Variants in CNTN5 observed in about 807,000 individuals in gnomAD.
The protein encoded by CNTN5 is contactin 5, also known as contactin-5.
In CNTN5, 77 loss-of-function variants were observed where a neutral mutation model predicts 129.1. The ratio of observed to expected loss-of-function variants is 0.60; its 90% CI spans 0.50 to 0.72. The LOEUF (loss-of-function observed/expected upper bound fraction) is 0.72. Ranked by LOEUF, CNTN5 falls within the 30% of genes least tolerant of loss-of-function variation. CNTN5 has a pLI of 0.00. For missense variants in CNTN5, 1,478 were observed against 1,328.8 expected (o/e 1.11, Z -1.75); for synonymous variants, 509 against 465.6 (o/e 1.09, Z -1.20).
chr11:99,839,467 G>A (rs1319603038), intron 4 of CNTN5, among the ~76,000 whole-genome samples: 2 of 152,012 alleles, frequency 1.3e-5, no homozygotes, highest in Non-Finnish European at 2.9e-5. Context: ...CATTGAAGTT[G>A]AGGCAGAGGG....
intron 7 of CNTN5, among the ~76,000 whole-genome samples, chr11:99,949,784 G>A (rs973912582): frequency 1.3e-5 from 2 of 152,098 alleles, no homozygotes; most frequent in African/African-American, 4.8e-5. Flanking sequence ...CACCCAGTTG[G>A]TATAATCACT....
chr11:100,181,126 G>C (rs181185795), intron 13 of CNTN5, among the ~76,000 whole-genome samples: 1 of 152,060 alleles, frequency 6.6e-6, no homozygotes, highest in East Asian at 1.9e-4. Context: ...AATTTTGTTT[G>C]TAATTATAAA....
intron 2 of CNTN5, among the ~76,000 whole-genome samples, chr11:99,550,014 C>T (rs184890679): frequency 8.5e-5 from 13 of 152,118 alleles, no homozygotes; most frequent in South Asian, 2.1e-4. Context: ...CCCTATTCCA[C>T]GCAGGTTTTG....
intron 3 of CNTN5, among the ~76,000 whole-genome samples, chr11:99,783,155 C>A (rs1204226915): frequency 1.2e-5 from 1 of 81,720 alleles, no homozygotes; most frequent in Non-Finnish European, 2.6e-5. Flanking sequence ...AAAAAGTGGG[C>A]GAAGGACATG....
intron 18 of CNTN5, among the ~76,000 whole-genome samples, chr11:100,276,277 T>G (rs775167634): frequency 3.9e-5 from 6 of 152,116 alleles, no homozygotes; most frequent in South Asian, 4.1e-4. Context: ...CGGTGGCTCA[T>G]GCCTATAATC....
chr11:100,121,463 C>T (rs1946019684), intron 13 of CNTN5, among the ~76,000 whole-genome samples: 1 of 151,280 alleles, frequency 6.6e-6, no homozygotes, highest in South Asian at 2.1e-4. Context: ...GAACTTCAGC[C>T]TGTGCTTTGG....
chr11:99,403,743 G>T (rs1941940082), intron 2 of CNTN5, among the ~76,000 whole-genome samples: 1 of 151,976 alleles, frequency 6.6e-6, no homozygotes, highest in Admixed American at 6.6e-5. Context: ...TCAATTTTTT[G>T]AATGTTTTAA....
At chr11:99,062,247 G>A (rs1014046474) in intron 1 of CNTN5, among the ~76,000 whole-genome samples, 1 of 152,118 alleles carries the variant, frequency 6.6e-6, no homozygotes, top group Non-Finnish European at 1.5e-5. Context: ...AGCAATGTTG[G>A]AGCACAACAG....
At chr11:99,416,553 T>C (rs1206636040) in intron 2 of CNTN5, among the ~76,000 whole-genome samples, 2 of 152,128 alleles carry the variant, frequency 1.3e-5, no homozygotes, top group Non-Finnish European at 1.5e-5. Context: ...CCCAAACTGC[T>C]GAGATTACAA....
chr11:99,330,500 C>A (rs1339987769), intron 2 of CNTN5, among the ~76,000 whole-genome samples: 1 of 152,104 alleles, frequency 6.6e-6, no homozygotes, highest in East Asian at 1.9e-4. Context: ...TGGGTTAGTA[C>A]ACAGCACCCT....
intron 3 of CNTN5, among the ~76,000 whole-genome samples, chr11:99,598,369 T>C (rs369351025): frequency 0.096 from 1,006 of 10,456 alleles, 214 homozygotes; most frequent in Non-Finnish European, 0.1. Flanking sequence ...TCTCTCTCTC[T>C]CTCTCCCTCT....
intron 2 of CNTN5, among the ~76,000 whole-genome samples, chr11:99,411,040 A>G (rs1278489448): frequency 1.3e-5 from 2 of 152,206 alleles, no homozygotes; most frequent in Non-Finnish European, 1.5e-5. Flanking sequence ...TAAAACTTTC[A>G]TTATTCTTTA....
chr11:99,922,137 T>C (rs556498738), intron 7 of CNTN5, among the ~76,000 whole-genome samples: 1 of 152,296 alleles, frequency 6.6e-6, no homozygotes, highest in African/African-American at 2.4e-5. Flanking sequence ...CTCACAATTA[T>C]GGCAGAAAGT....
In CNTN5 at chr11:100,282,744, T is replaced by C. The variant is rs117681444; in HGVS notation, c.2314+11503T>C. The stretch of plus-strand genomic sequence containing the variant: ...AGCCAGGGACTACAGTCAAAATCCT[T>C]AGAAGTCTACTTGGTGTTCTATTGT... On this transcript the variant is annotated intron_variant, in intron 18 of 24. Transcript: ENST00000524871. Among the ~76,000 whole-genome samples, 162 of 146,546 alleles carry C rather than the reference T, an allele frequency of 1.1e-3. 2 individuals carry two copies. The highest frequency in any genetic ancestry group is 0.01 in the Middle Eastern group (3 of 286).
chr11:99,129,337 G>A (rs1858813189), intron 1 of CNTN5, among the ~76,000 whole-genome samples: 1 of 152,072 alleles, frequency 6.6e-6, no homozygotes, highest in Non-Finnish European at 1.5e-5. Context: ...AATTGACCAG[G>A]CAGAAGAGAG....
intron 3 of CNTN5, among the ~76,000 whole-genome samples, chr11:99,717,319 T>G (rs1169054189): frequency 6.6e-6 from 1 of 152,088 alleles, no homozygotes; most frequent in Non-Finnish European, 1.5e-5. Flanking sequence ...AGATTAATAA[T>G]GATCACAGAC....
intron 16 of CNTN5, among the ~76,000 whole-genome samples, chr11:100,245,881 G>T (rs894590274): frequency 6.6e-6 from 1 of 151,996 alleles, no homozygotes; most frequent in Admixed American, 6.6e-5. Flanking sequence ...TGGAAAAGGG[G>T]TATCAGTACC....
intron 8 of CNTN5, among the ~76,000 whole-genome samples, chr11:99,985,112 G>A (rs1238704376): frequency 1.3e-5 from 2 of 152,000 alleles, no homozygotes; most frequent in African/African-American, 4.8e-5. Context: ...AGCTTACTTA[G>A]CCCCTTGCCT....
rs940774191 is a variant in CNTN5 at position 100,049,696 on chromosome 11, A to C, written c.981-11516A>C. 6.6e-5 allele frequency among the ~76,000 whole-genome samples: 10 copies of C among 152,168 alleles called. No individual in the cohort carries two copies. In the East Asian group the frequency reaches 7.7e-4, roughly 12 times the overall value. On this transcript the variant is annotated intron_variant, in intron 9 of 24. Coordinates refer to ENST00000524871, the MANE Select transcript of CNTN5 (RefSeq NM_014361.4). ...ATCAGATTGAACAGGCAACCTACAA[A>C]ATGGGAGAAAATTTTCACAACCTAC...
Sources: allele counts gnomAD v4.1 joint callset (sites outside exome capture counted in the v4.1 genomes callset), GRCh38; gene constraint gnomAD v4.1.1; transcripts MANE v1.5; gene names NCBI Gene and HGNC (gene_info 2026-07-23, HGNC 2026-07-21).